The following SDCCAG8 variants were observed in gnomAD, a reference collection of about 807,000 sequenced individuals.
SDCCAG8 encodes SHH signaling and ciliogenesis regulator SDCCAG8.
In SDCCAG8, 74 loss-of-function variants were observed where a neutral mutation model predicts 101.8. The observed-to-expected ratio is 0.73, with a 90% CI of 0.60 to 0.88. The LOEUF (loss-of-function observed/expected upper bound fraction) is 0.88, where lower values mean the gene tolerates loss of function less well. Ranked by LOEUF, SDCCAG8 falls within the 40% of genes least tolerant of loss-of-function variation. The pLI is 0.00. For missense variants in SDCCAG8, 787 were observed against 822.6 expected (o/e 0.96, Z 0.53); for synonymous variants, 281 against 292.9 (o/e 0.96, Z 0.41).
chr1:243,391,575 T>C (rs899669649), intron 13 of SDCCAG8, among the ~76,000 whole-genome samples: 7 of 152,084 alleles, frequency 4.6e-5, no homozygotes, highest in African/African-American at 1.7e-4. Flanking sequence ...GACCAAGCCA[T>C]GGAGGGTAGA....
rs185334147 is a variant in SDCCAG8 at position 243,323,455 on chromosome 1, G to A, written c.1068+6562G>A. ...TCCCAAGATGAACATCTTTCTCCCC[G>A]TTTTTGATGTCTCCCACTTCTATGT... On this transcript the variant is annotated intron_variant, in intron 9 of 17. Coordinates refer to ENST00000366541, the MANE Select transcript of SDCCAG8 (RefSeq NM_006642.5). 9.2e-5 allele frequency among the ~76,000 whole-genome samples: 14 copies of A among 151,798 alleles called. No homozygotes were observed. The East Asian group carries it at 1.6e-3, about 17-fold the overall frequency.
chr1:243,471,755 A>G (rs1185858716), intron 16 of SDCCAG8, among the ~76,000 whole-genome samples: 1 of 152,126 alleles, frequency 6.6e-6, no homozygotes, highest in African/African-American at 2.4e-5. Context: ...ATGTAGCATC[A>G]CTATTTTGGA....
chr1:243,288,569 TA>T (rs1253313564), intron 5 of SDCCAG8, among the ~76,000 whole-genome samples: 1 of 152,118 alleles, frequency 6.6e-6, no homozygotes, highest in African/African-American at 2.4e-5. Context: ...ATCTTAAATA[TA>T]AAAAATCAAG....
chr1:243,363,764 G>A (rs1014766012), intron 12 of SDCCAG8, among the ~76,000 whole-genome samples: 1 of 152,134 alleles, frequency 6.6e-6, no homozygotes, highest in Non-Finnish European at 1.5e-5. Context: ...ATTCAGTAAT[G>A]TATGTGAAAG....
intron 16 of SDCCAG8, among the ~76,000 whole-genome samples, chr1:243,464,472 C>T (rs1218946128): frequency 1.3e-5 from 2 of 152,094 alleles, no homozygotes; most frequent in African/African-American, 2.4e-5. Context: ...TTTCATCAGG[C>T]AAGTAAGGTT....
chr1:243,392,990 G>T (rs1488605903), intron 13 of SDCCAG8, among the ~76,000 whole-genome samples: 1 of 151,710 alleles, frequency 6.6e-6, no homozygotes, highest in African/African-American at 2.4e-5. Context: ...CAAAAATGGT[G>T]GGAATTTGAA....
At chr1:243,417,840 T>C in intron 14 of SDCCAG8, 128 bp from the exon 15 acceptor site, 2 of 719,042 alleles carry the variant, frequency 2.8e-6, no homozygotes, top group Non-Finnish European at 2.5e-6. Context: ...CTTAGGACAT[T>C]GAAGGTGATC....
At chr1:243,499,712 A>T in intron 17 of SDCCAG8, 44 bp from the exon 18 acceptor site, 1 of 1,465,266 alleles carries the variant, frequency 6.8e-7, no homozygotes, top group Non-Finnish European at 9.6e-7. Context: ...AATAACATTG[A>T]AGAACATGAG....
intron 5 of SDCCAG8, among the ~76,000 whole-genome samples, chr1:243,287,201 T>TA: frequency 6.6e-6 from 1 of 152,240 alleles, no homozygotes; most frequent in African/African-American, 2.4e-5. Flanking sequence ...AAACTTTTTG[T>TA]AACTGTTTTG....
intron 10 of SDCCAG8, among the ~76,000 whole-genome samples, chr1:243,336,804 G>A (rs1322930206): frequency 1.3e-5 from 2 of 152,134 alleles, no homozygotes; most frequent in African/African-American, 2.4e-5. Flanking sequence ...GTATTCTTTT[G>A]AGAAGTGTCT....
Position 243,497,337 on chromosome 1 carries a change from T to TC in SDCCAG8, c.2113-2419_2113-2418insC, listed in dbSNP as rs1259528981. Among the ~76,000 whole-genome samples, 86 of 35,430 alleles carry TC rather than the reference T, an allele frequency of 2.4e-3. 3 individuals carry two copies. The highest frequency in any genetic ancestry group is 6.5e-3 in the African/African-American group (77 of 11,856). The allele number at this position is 35,430 out of a possible 152,430, so 23.2% of individuals were successfully genotyped here. On this transcript the variant is annotated intron_variant, in intron 17 of 17. Coordinates refer to ENST00000366541, the MANE Select transcript of SDCCAG8 (RefSeq NM_006642.5). The stretch of plus-strand genomic sequence containing the variant: ...GGTCAGGCACGGCTGTAGGCACGGG[T>TC]GGGGGGGGGGGCGTTGAGCAGTGAA...
chr1:243,438,063 A>G (rs1341692093), intron 16 of SDCCAG8, among the ~76,000 whole-genome samples: 3 of 152,126 alleles, frequency 2.0e-5, no homozygotes, highest in South Asian at 2.1e-4. Flanking sequence ...GCTTCATATG[A>G]AAAAATAGTC....
At chr1:243,428,671 C>A (rs901582752) in intron 16 of SDCCAG8, among the ~76,000 whole-genome samples, 4 of 152,126 alleles carry the variant, frequency 2.6e-5, no homozygotes, top group Admixed American at 6.5e-5. Flanking sequence ...ATATGCAAAT[C>A]TATTATAAAA....
intron 9 of SDCCAG8, among the ~76,000 whole-genome samples, chr1:243,328,662 TAGAG>T (rs1209884193): frequency 6.6e-6 from 1 of 152,244 alleles, no homozygotes; most frequent in African/African-American, 2.4e-5. Context: ...CCATTCCTAA[TAGAG>T]AGAAGACCAT....
At chr1:243,499,669 TA>T in intron 17 of SDCCAG8, 86 bp from the exon 18 acceptor site, 1 of 1,085,862 alleles carries the variant, frequency 9.2e-7, no homozygotes, top group Non-Finnish European at 1.4e-6. Context: ...GTTTTCATCA[TA>T]AAAGGTGACT....
chr1:243,413,096 G>C (rs1276340903), intron 13 of SDCCAG8, among the ~76,000 whole-genome samples: 2 of 152,186 alleles, frequency 1.3e-5, no homozygotes, highest in African/African-American at 4.8e-5. Flanking sequence ...AGAAACATCA[G>C]TTGATGTGTA....
At chr1:243,337,811 G>C (rs2075115337) in intron 10 of SDCCAG8, among the ~76,000 whole-genome samples, 1 of 152,108 alleles carries the variant, frequency 6.6e-6, no homozygotes, top group Non-Finnish European at 1.5e-5. Context: ...TTTATATAAA[G>C]CCCAGCTTTA....
chr1:243,306,716 T>C (rs1573147090), intron 7 of SDCCAG8, among the ~76,000 whole-genome samples: 1 of 152,166 alleles, frequency 6.6e-6, no homozygotes, highest in Non-Finnish European at 1.5e-5. Context: ...CTACATGATA[T>C]TGAAAAAGAA....
intron 12 of SDCCAG8, among the ~76,000 whole-genome samples, chr1:243,360,076 C>T (rs989971458): frequency 9.9e-5 from 15 of 151,314 alleles, no homozygotes; most frequent in Non-Finnish European, 1.6e-4. Context: ...ATATCTTCTT[C>T]ACATATATCC....
Sources: allele counts gnomAD v4.1 joint callset (sites outside exome capture counted in the v4.1 genomes callset), GRCh38; gene constraint gnomAD v4.1.1; transcripts MANE v1.5; gene names NCBI Gene and HGNC (gene_info 2026-07-23, HGNC 2026-07-21).